Variants in ANTXR1 observed in about 807,000 individuals in gnomAD.
ANTXR1 encodes the protein anthrax toxin receptor 1.
A neutral mutation model predicts 78.1 loss-of-function variants in ANTXR1; 19 were observed. That is an observed-to-expected ratio of 0.24 (90% CI 0.17 to 0.36). The LOEUF (loss-of-function observed/expected upper bound fraction) is 0.36. Among genes scored for constraint, ANTXR1 ranks in the 10% least tolerant of loss-of-function variants. The pLI is 1.00. For synonymous variants in ANTXR1, 273 were observed against 260.5 expected, an observed-to-expected ratio of 1.05 and a Z score of -0.46; for missense variants, 518 against 718.6, an observed-to-expected ratio of 0.72 and a Z score of 3.19.
chr2:69,077,130 G>A (rs527460248), intron 7 of ANTXR1: 32 of 516,488 alleles, frequency 6.2e-5, no homozygotes, highest in Middle Eastern at 5.3e-4. Context: ...CAGGCCAAGC[G>A]TTCATCAAGC....
chr2:69,164,609 CAG>C (rs1158438848), intron 13 of ANTXR1, among the ~76,000 whole-genome samples: 5 of 152,156 alleles, frequency 3.3e-5, no homozygotes, highest in African/African-American at 1.2e-4. Context: ...ACAGTGCAGA[CAG>C]AGAGAGATAA....
intron 17 of ANTXR1, among the ~76,000 whole-genome samples, chr2:69,242,375 C>A (rs1026074343): frequency 2.6e-5 from 4 of 152,084 alleles, no homozygotes; most frequent in African/African-American, 9.7e-5. Context: ...TTTGAAAACC[C>A]CTGGGAATCC....
chr2:69,023,816 G>T (rs1478185712), intron 1 of ANTXR1, among the ~76,000 whole-genome samples: 1 of 152,156 alleles, frequency 6.6e-6, no homozygotes, highest in Non-Finnish European at 1.5e-5. Context: ...TCATAGAGGA[G>T]GTGACTTTGG....
intron 14 of ANTXR1, among the ~76,000 whole-genome samples, chr2:69,179,997 C>T (rs950437447): frequency 6.6e-6 from 1 of 152,214 alleles, no homozygotes; most frequent in Non-Finnish European, 1.5e-5. Context: ...ACCCAAGTGT[C>T]AGCTGTCAGA....
intron 9 of ANTXR1, among the ~76,000 whole-genome samples, chr2:69,101,729 G>A (rs1171511906): frequency 6.6e-6 from 1 of 152,196 alleles, no homozygotes. Context: ...TACTGTGTAA[G>A]ATCCATATTC....
intron 3 of ANTXR1, among the ~76,000 whole-genome samples, chr2:69,059,451 G>T (rs1670166094): frequency 6.6e-6 from 1 of 151,718 alleles, no homozygotes; most frequent in South Asian, 2.1e-4. Context: ...GCAATCTTTA[G>T]CAATAAAGTA....
intron 1 of ANTXR1, among the ~76,000 whole-genome samples, chr2:69,031,772 T>C (rs1671536214): frequency 6.6e-6 from 1 of 152,222 alleles, no homozygotes; most frequent in South Asian, 2.1e-4. Flanking sequence ...TTAGAAAATC[T>C]CTCTTTGACA....
intron 17 of ANTXR1, among the ~76,000 whole-genome samples, chr2:69,215,503 G>A (rs111707236): frequency 0.043 from 6,498 of 152,218 alleles, 488 homozygotes; most frequent in African/African-American, 0.15. Flanking sequence ...TTAAAGATAT[G>A]CCCCATGGGG....
rs1412593092 is a variant in ANTXR1, at chr2:69,182,630, T to G, written c.1323T>G (p.Ser441=). Residue 441 remains serine, a synonymous_variant, in exon 16 of 18, where the codon TCT becomes TCG. Transcript: ENST00000303714. ...TCAACAACAATATGCGTCGGCCTTC[T>G]TCCCCCCGGAAGTGGTACTCTCCAA... ...RNLNNNMRRP[S]SPRKWYSPIK... 14 of 1,614,164 alleles carry G rather than the reference T, an allele frequency of 8.7e-6. No individual in the cohort carries two copies. The highest frequency in any genetic ancestry group is 1.1e-5 in the Non-Finnish European group (13 of 1,180,022).
chr2:69,243,552 C>G (rs1675940198), intron 17 of ANTXR1, among the ~76,000 whole-genome samples: 1 of 152,154 alleles, frequency 6.6e-6, no homozygotes, highest in Non-Finnish European at 1.5e-5. Context: ...AAGGTTTGCT[C>G]AGCATGTGGC....
chr2:69,176,994 G>C (rs940385368), intron 14 of ANTXR1, among the ~76,000 whole-genome samples: 1 of 152,172 alleles, frequency 6.6e-6, no homozygotes, highest in African/African-American at 2.4e-5. Context: ...TCCAGGGGAC[G>C]CTATTCACAT....
chr2:69,114,769 C>T (rs529716447), intron 10 of ANTXR1, among the ~76,000 whole-genome samples: 4 of 152,278 alleles, frequency 2.6e-5, no homozygotes, highest in African/African-American at 9.6e-5. Flanking sequence ...CCTAAGAAAA[C>T]CTGGACCCAT....
intron 13 of ANTXR1, among the ~76,000 whole-genome samples, chr2:69,168,285 C>T (rs879850953): frequency 2.0e-5 from 3 of 152,190 alleles, no homozygotes; most frequent in Admixed American, 2.0e-4. Flanking sequence ...CTACTCACTA[C>T]CAGATGCTTA....
chr2:69,175,968 A>G (rs1402021472), intron 14 of ANTXR1, among the ~76,000 whole-genome samples: 1 of 152,122 alleles, frequency 6.6e-6, no homozygotes, highest in Non-Finnish European at 1.5e-5. Flanking sequence ...GCATCCTTCC[A>G]GCCATGTCTA....
intron 17 of ANTXR1, among the ~76,000 whole-genome samples, chr2:69,236,434 A>G (rs2104527391): frequency 6.6e-6 from 1 of 152,346 alleles, no homozygotes; most frequent in African/African-American, 2.4e-5. Context: ...CAGGGAAACA[A>G]TAATACAATT....
chr2:69,090,992 C>A, intron 9 of ANTXR1, 73 bp downstream of exon 9: 1 of 1,486,844 alleles, frequency 6.7e-7, no homozygotes, highest in Non-Finnish European at 9.3e-7. Context: ...GTATGTACTT[C>A]ATTGTTGGTG....
intron 12 of ANTXR1, among the ~76,000 whole-genome samples, chr2:69,149,310 C>T (rs545337316): frequency 2.6e-5 from 4 of 152,298 alleles, no homozygotes; most frequent in African/African-American, 9.6e-5. Flanking sequence ...TCATTAGGGG[C>T]ACCAAGCTTG....
At chr2:69,225,845 T>C (rs1258916034) in intron 17 of ANTXR1, among the ~76,000 whole-genome samples, 1 of 152,078 alleles carries the variant, frequency 6.6e-6, no homozygotes, top group Admixed American at 6.5e-5. Context: ...AACCAAATAA[T>C]ATGACAAAGT....
At chr2:69,233,393 AGTTT>A (rs1675675502) in intron 17 of ANTXR1, among the ~76,000 whole-genome samples, 1 of 151,878 alleles carries the variant, frequency 6.6e-6, no homozygotes, top group South Asian at 2.1e-4. Flanking sequence ...ACTTTTCAAA[AGTTT>A]GTTTCAGAAA....
Sources: allele counts gnomAD v4.1 joint callset (sites outside exome capture counted in the v4.1 genomes callset), GRCh38; gene constraint gnomAD v4.1.1; transcripts MANE v1.5; gene names NCBI Gene and HGNC (gene_info 2026-07-23, HGNC 2026-07-21).